CEP152: variants seen among roughly 807,000 people sequenced by gnomAD.
CEP152 encodes centrosomal protein 152.
CEP152 carries 132 observed loss-of-function variants against 188.9 expected under a neutral mutation model. That is an observed-to-expected ratio of 0.70 (90% CI 0.61 to 0.81). The LOEUF (loss-of-function observed/expected upper bound fraction) is 0.81. Among genes scored for constraint, CEP152 ranks in the 30% least tolerant of loss-of-function variants. The pLI is 0.00. For missense variants in CEP152, 1,914 were observed against 1,969.8 expected, an observed-to-expected ratio of 0.97 and a Z score of 0.54; for synonymous variants, 649 against 666.6, an observed-to-expected ratio of 0.97 and a Z score of 0.41.
chr15:48,739,788 A>C (rs554837254), intron 26 of CEP152, among the ~76,000 whole-genome samples: 15 of 152,364 alleles, frequency 9.8e-5, no homozygotes, highest in African/African-American at 3.1e-4. Context: ...ACATAGCATG[A>C]AATTAGAGGC....
At position 48,738,105 on chromosome 15, in the gene CEP152, A is replaced by T; in HGVS notation, c.*144T>A. 2 of 889,594 alleles carry T rather than the reference A, an allele frequency of 2.2e-6. No individual in the cohort carries two copies. The highest frequency in any genetic ancestry group is 3.7e-5 in the South Asian group (2 of 53,464). The allele number at this position is 889,594 out of a possible 1,614,324, so 55.1% of individuals were successfully genotyped here. On this transcript the variant is annotated 3_prime_UTR_variant, in exon 27 of 27. Coordinates refer to ENST00000380950, the MANE Select transcript of CEP152 (RefSeq NM_001194998.2). ...TTAAGGCAACATAAATATCTCAAGCAATTTTAGAAGAATGCTTTACTTATA... is the reference window on the plus strand; with the variant it reads ...TTAAGGCAACATAAATATCTCAAGCTATTTTAGAAGAATGCTTTACTTATA...
chr15:48,750,085 AG>A (rs1422843845), intron 21 of CEP152, among the ~76,000 whole-genome samples: 1 of 152,108 alleles, frequency 6.6e-6, no homozygotes, highest in Non-Finnish European at 1.5e-5. Flanking sequence ...CACAAAATGG[AG>A]TAAAATGTTA....
chr15:48,741,737 T>A (rs1373347623), intron 25 of CEP152, 33 bp from the exon 26 acceptor site: 1 of 1,613,432 alleles, frequency 6.2e-7, no homozygotes, highest in South Asian at 1.1e-5. Flanking sequence ...AAAAATATAG[T>A]TTAAAGGAAA....
intron 2 of CEP152, among the ~76,000 whole-genome samples, chr15:48,799,606 A>G (rs1183481525): frequency 6.6e-6 from 1 of 152,214 alleles, no homozygotes; most frequent in Non-Finnish European, 1.5e-5. Flanking sequence ...GACCCTCATT[A>G]AATGCTCATC....
At chr15:48,762,946 C>G (rs1371814165) in intron 17 of CEP152, among the ~76,000 whole-genome samples, 2 of 151,868 alleles carry the variant, frequency 1.3e-5, no homozygotes, top group Admixed American at 6.6e-5. Context: ...AATATCCAAC[C>G]TTCTGGAATC....
At chr15:48,778,477 T>TA (rs1487659620) in intron 12 of CEP152, among the ~76,000 whole-genome samples, 1 of 152,202 alleles carries the variant, frequency 6.6e-6, no homozygotes, top group African/African-American at 2.4e-5. Flanking sequence ...GTGGGATGAC[T>TA]ACAAGCAAAA....
At chr15:48,800,242 G>C (rs1009809034) in intron 2 of CEP152, among the ~76,000 whole-genome samples, 6 of 152,102 alleles carry the variant, frequency 3.9e-5, no homozygotes, top group Admixed American at 3.3e-4. Flanking sequence ...TCAGAGTCTT[G>C]CAAGATATTT....
intron 12 of CEP152, among the ~76,000 whole-genome samples, chr15:48,775,156 A>C (rs892996676): frequency 1.3e-5 from 2 of 151,976 alleles, no homozygotes; most frequent in Non-Finnish European, 2.9e-5. Flanking sequence ...CTGTAGTATA[A>C]TATCAAAAAA....
At chr15:48,808,815 C>T (rs1470862907) in intron 1 of CEP152, among the ~76,000 whole-genome samples, 1 of 152,102 alleles carries the variant, frequency 6.6e-6, no homozygotes, top group Non-Finnish European at 1.5e-5. Context: ...TTTGTCAATA[C>T]TATGCCACTA....
chr15:48,743,217 T>G (rs1361047429), intron 24 of CEP152, among the ~76,000 whole-genome samples: 1 of 152,082 alleles, frequency 6.6e-6, no homozygotes, highest in Admixed American at 6.5e-5. Context: ...AAATACCGAA[T>G]GAGCTTTGTA....
intron 1 of CEP152, among the ~76,000 whole-genome samples, chr15:48,809,755 T>C (rs1056284841): frequency 3.3e-5 from 5 of 152,210 alleles, no homozygotes; most frequent in Non-Finnish European, 7.3e-5. Flanking sequence ...TACCAATCAA[T>C]ACATTGTAGT....
At position 48,791,259 on chromosome 15, in the gene CEP152, G is replaced by A; in HGVS notation, c.950C>T (p.Ala317Val). The part of the protein sequence containing the change: ...QIKALETQIQ[A>V]LKVNEEQMIK... Reference sequence around the variant, plus strand: ...TACCTGTTCTTCATTGACTTTTAATGCTTGTATCTGAGTCTCCAGTGCTTT... The same window carrying A: ...TACCTGTTCTTCATTGACTTTTAATACTTGTATCTGAGTCTCCAGTGCTTT... Residue 317 changes from alanine (A) to valine (V), a missense_variant, in exon 8 of 27, where the codon GCA (alanine) becomes GTA (valine). By Grantham distance (64) the Ala-to-Val change is moderately conservative (BLOSUM62 0). Coordinates refer to ENST00000380950, the MANE Select transcript of CEP152 (RefSeq NM_001194998.2). 1 of 1,612,214 alleles carries A rather than the reference G, an allele frequency of 6.2e-7. No homozygotes were observed. The highest frequency in any genetic ancestry group is 8.5e-7 in the Non-Finnish European group (1 of 1,179,616).
At chr15:48,769,173 G>T in intron 13 of CEP152, 92 bp from the exon 14 acceptor site, 1 of 1,033,996 alleles carries the variant, frequency 9.7e-7, no homozygotes, top group Non-Finnish European at 1.4e-6. Flanking sequence ...ATTGCAAACA[G>T]TACAAATAAT....
At position 48,796,289 on chromosome 15, in the gene CEP152, T is replaced by C. The variant is rs5812462; in HGVS notation, c.541-129A>G. On this transcript the variant is annotated intron_variant, in intron 5 of 26. Transcript: ENST00000380950. ...TACAGTTCAAAGTTGTTTATATATA[T>C]ACACACACACACACACACACACACA... is the stretch of plus-strand genomic sequence containing the variant. 3,894 of 549,022 alleles carry C rather than the reference T, an allele frequency of 7.1e-3. 19 individuals are homozygous for C. The highest frequency in any genetic ancestry group is 0.021 in the Middle Eastern group (41 of 1,988). The allele number at this position is 549,022 out of a possible 1,614,324, so 34.0% of individuals were successfully genotyped here.
intron 7 of CEP152, among the ~76,000 whole-genome samples, chr15:48,792,223 C>T (rs569376634): frequency 1.3e-5 from 2 of 152,084 alleles, no homozygotes; most frequent in Admixed American, 6.5e-5. Context: ...ATCTCCTGAC[C>T]GCGTGACCCG....
chr15:48,788,372 C>T (rs754757877), intron 9 of CEP152, among the ~76,000 whole-genome samples: 22 of 139,394 alleles, frequency 1.6e-4, no homozygotes, highest in Admixed American at 2.3e-4. Flanking sequence ...CTCGCTCTGT[C>T]GCCCAGGGTG....
chr15:48,793,366 C>G lies in CEP152; in HGVS notation c.787G>C (p.Glu263Gln). The G allele has an allele frequency of 6.2e-7, 1 of 1,614,036 alleles. No individual in the cohort carries two copies. The highest frequency in any genetic ancestry group is 1.3e-5 in the African/African-American group (1 of 75,062). Residue 263 changes from glutamate (E) to glutamine (Q), a missense_variant, in exon 7 of 27, where the codon GAA becomes CAA. Physicochemically the swap from Glu to Gln is conservative, Grantham distance 29. Coordinates refer to ENST00000380950, the MANE Select transcript of CEP152 (RefSeq NM_001194998.2). ...TGATTCAGATATCGAATTTGACGTT[C>G]ACTTTCATTTAACTTTTCAATTAAG... is the stretch of plus-strand genomic sequence containing the variant. The part of the protein sequence containing the change: ...ENLIEKLNES[E>Q]RQIRYLNHQL...
intron 10 of CEP152, 74 bp downstream of exon 10, chr15:48,783,899 C>A: frequency 6.6e-7 from 1 of 1,514,448 alleles, no homozygotes; most frequent in Admixed American, 1.7e-5. Flanking sequence ...TTTTACAAGT[C>A]ATGGATCCTA....
intron 9 of CEP152, among the ~76,000 whole-genome samples, chr15:48,784,619 T>C (rs1896502453): frequency 6.6e-6 from 1 of 152,198 alleles, no homozygotes. Flanking sequence ...AAAAATAATC[T>C]TTCCCTCCTC....
Sources: allele counts gnomAD v4.1 joint callset (sites outside exome capture counted in the v4.1 genomes callset), GRCh38; gene constraint gnomAD v4.1.1; transcripts MANE v1.5; gene names NCBI Gene and HGNC (gene_info 2026-07-23, HGNC 2026-07-21).